PTP4A1: variants seen among roughly 807,000 people sequenced by gnomAD.
PTP4A1 encodes protein tyrosine phosphatase 4A1.
PTP4A1 carries 9 observed loss-of-function variants against 20.5 expected under a neutral mutation model. That is an observed-to-expected ratio of 0.44 (90% CI 0.26 to 0.77). The LOEUF (loss-of-function observed/expected upper bound fraction) is 0.77, where lower values mean the gene tolerates loss of function less well. Among genes scored for constraint, PTP4A1 ranks in the 30% least tolerant of loss-of-function variants. The pLI is 0.19. For missense variants in PTP4A1, 137 were observed against 218.8 expected (o/e 0.63, Z 2.36); for synonymous variants, 78 against 67.4 (o/e 1.16, Z -0.77).
At chr6:63,573,909 A>G (rs1216184810) in intron 1 of PTP4A1, among the ~76,000 whole-genome samples, 3 of 152,094 alleles carry the variant, frequency 2.0e-5, no homozygotes, top group African/African-American at 7.2e-5. Flanking sequence ...GTTTAGAACT[A>G]TCCCTGAGCT....
At position 63,578,509 on chromosome 6, in the gene PTP4A1, A is replaced by G; in HGVS notation, c.178A>G (p.Lys60Glu). 1 of 1,612,026 alleles carries G rather than the reference A, an allele frequency of 6.2e-7. No homozygotes were observed. Among genetic ancestry groups the G allele is most frequent in the Non-Finnish European group, 8.5e-7 (1 of 1,179,286 alleles). The change falls in exon 3 of 6, where the codon AAA becomes GAA. Residue 60 changes from lysine (K) to glutamate (E), a missense_variant. Transcript: ENST00000626021. ...AACTTATGACACTACTCTTGTGGAGAAAGAAGGTATCCATGTTCTTGTAAG... is the reference window on the plus strand; with the variant it reads ...AACTTATGACACTACTCTTGTGGAGGAAGAAGGTATCCATGTTCTTGTAAG... ...EATYDTTLVEKEGIHVLDWPF... is the reference protein window; with the variant it reads ...EATYDTTLVEEEGIHVLDWPF...
upstream of PTP4A1, among the ~76,000 whole-genome samples, chr6:63,518,258 T>G (rs532031441): frequency 6.6e-6 from 1 of 152,070 alleles, no homozygotes; most frequent in Non-Finnish European, 1.5e-5. Context: ...CCAGAGCACA[T>G]CTTAGATTGC....
At chr6:63,547,926 C>T (rs1292953731) in intron 2 of PTP4A1, among the ~76,000 whole-genome samples, 9 of 152,208 alleles carry the variant, frequency 5.9e-5, no homozygotes, top group Admixed American at 5.9e-4. Flanking sequence ...GGCTTTCTTG[C>T]TTAAAACCCT....
intron 3 of PTP4A1, among the ~76,000 whole-genome samples, chr6:63,556,592 T>C (rs984154327): frequency 2.3e-4 from 35 of 152,204 alleles, no homozygotes; most frequent in Admixed American, 2.2e-3. Context: ...GGGAGGATGA[T>C]ACCACAGGGG....
intron 3 of PTP4A1, among the ~76,000 whole-genome samples, chr6:63,551,946 T>C (rs1306899695): frequency 6.6e-6 from 1 of 152,240 alleles, no homozygotes; most frequent in Non-Finnish European, 1.5e-5. Flanking sequence ...CTATCACTGA[T>C]GGACATTTGG....
upstream of PTP4A1, among the ~76,000 whole-genome samples, chr6:63,568,658 TA>T (rs112045436): frequency 0.11 from 15,832 of 144,482 alleles, 886 homozygotes; most frequent in East Asian, 0.16. Flanking sequence ...ATCATTTTGT[TA>T]AAAAAAAAAA....
chr6:63,521,155 A>G (rs1377945303), upstream of PTP4A1, among the ~76,000 whole-genome samples: 1 of 152,120 alleles, frequency 6.6e-6, no homozygotes, highest in Non-Finnish European at 1.5e-5. Flanking sequence ...GGTGCAACAA[A>G]CCACCATGGT....
the PTP4A1 span, among the ~76,000 whole-genome samples, chr6:63,516,533 A>T: frequency 6.6e-6 from 1 of 152,316 alleles, no homozygotes; most frequent in African/African-American, 2.4e-5. Context: ...TAGTAAGTCC[A>T]TTTAACTTCT....
intron 3 of PTP4A1, among the ~76,000 whole-genome samples, chr6:63,560,571 T>C (rs1345874214): frequency 6.6e-6 from 1 of 151,702 alleles, no homozygotes; most frequent in African/African-American, 2.4e-5. Context: ...CACTAATCTG[T>C]GTATTTTTTT....
chr6:63,547,051 C>T (rs941833907), intron 2 of PTP4A1, among the ~76,000 whole-genome samples: 10 of 152,074 alleles, frequency 6.6e-5, no homozygotes, highest in South Asian at 4.1e-4. Context: ...TCACTTATTT[C>T]CCATCAAAAG....
intron 2 of PTP4A1, among the ~76,000 whole-genome samples, chr6:63,532,231 C>T (rs1279643281): frequency 6.6e-6 from 1 of 152,210 alleles, no homozygotes; most frequent in Non-Finnish European, 1.5e-5. Flanking sequence ...TGAAAACTTT[C>T]TTCTAGTGTC....
At chr6:63,533,553 T>C (rs1420650373) in intron 2 of PTP4A1, among the ~76,000 whole-genome samples, 1 of 152,214 alleles carries the variant, frequency 6.6e-6, no homozygotes, top group Non-Finnish European at 1.5e-5. Flanking sequence ...CAAACTATAG[T>C]ATGCGTTGTT....
At chr6:63,542,980 G>A (rs1749196605) in intron 2 of PTP4A1, among the ~76,000 whole-genome samples, 1 of 152,024 alleles carries the variant, frequency 6.6e-6, no homozygotes, top group South Asian at 2.1e-4. Context: ...TCTTGAACTT[G>A]CAAACTACAA....
rs1393658639 is a variant in PTP4A1 at position 63,581,430 on chromosome 6, A to G, written c.*1256A>G. ...TTAGTGCGAGAGCTGAAACATCTAA[A>G]TAAATAATGACATGCATTTATCATC... On this transcript the variant is annotated 3_prime_UTR_variant, in exon 6 of 6. Coordinates refer to ENST00000626021, the MANE Select transcript of PTP4A1 (RefSeq NM_003463.5). 1 of 152,622 alleles carries G rather than the reference A, an allele frequency of 6.6e-6. No individual in the cohort carries two copies. Among genetic ancestry groups the G allele is most frequent in the Non-Finnish European group, 1.5e-5 (1 of 68,018 alleles). 9.5% of individuals were successfully genotyped at this position (152,622 alleles called of 1,614,324 possible).
At position 63,583,476 on chromosome 6, in the gene PTP4A1, C is replaced by A. The variant is rs1778374905; in HGVS notation, c.*3302C>A. Reference sequence around the variant, plus strand: ...TAAGGGAAAAACTTGTATTTGCCTTCAATGAATTAAACCAGTGATATGTGT... The same window carrying A: ...TAAGGGAAAAACTTGTATTTGCCTTAAATGAATTAAACCAGTGATATGTGT... On this transcript the variant is annotated 3_prime_UTR_variant, in exon 6 of 6. Coordinates refer to ENST00000626021, the MANE Select transcript of PTP4A1 (RefSeq NM_003463.5). 6.6e-6 allele frequency: 1 copy of A among 152,068 alleles called. No individual in the cohort carries two copies. The highest frequency in any genetic ancestry group is 6.6e-5 in the Admixed American group (1 of 15,256). The allele number at this position is 152,068 out of a possible 1,614,324, so 9.4% of individuals were successfully genotyped here. A position where few individuals can be genotyped will look rare whatever the true frequency, so the allele number is the denominator to read the frequency against.
At chr6:63,544,577 C>G (rs1292186948) in intron 2 of PTP4A1, among the ~76,000 whole-genome samples, 3 of 152,116 alleles carry the variant, frequency 2.0e-5, no homozygotes, top group Admixed American at 6.6e-5. Context: ...GGGTCACAGA[C>G]TGGCTAGAGT....
upstream of PTP4A1, among the ~76,000 whole-genome samples, chr6:63,520,804 G>A (rs1275671987): frequency 6.6e-6 from 1 of 151,878 alleles, no homozygotes; most frequent in Non-Finnish European, 1.5e-5. Context: ...TTTTTGCCTT[G>A]TAAACAGGTG....
At chr6:63,545,805 A>G (rs1266839587) in intron 2 of PTP4A1, among the ~76,000 whole-genome samples, 6 of 152,110 alleles carry the variant, frequency 3.9e-5, no homozygotes, top group African/African-American at 1.2e-4. Context: ...TAGCTTTCCC[A>G]TGTTCCATAT....
chr6:63,536,911 A>G (rs1239873878), intron 2 of PTP4A1, among the ~76,000 whole-genome samples: 2 of 152,202 alleles, frequency 1.3e-5, no homozygotes, highest in Non-Finnish European at 2.9e-5. Flanking sequence ...CCTCAAAGCA[A>G]AAAGCTCTAT....
Sources: allele counts gnomAD v4.1 joint callset (sites outside exome capture counted in the v4.1 genomes callset), GRCh38; gene constraint gnomAD v4.1.1; transcripts MANE v1.5; gene names NCBI Gene and HGNC (gene_info 2026-07-23, HGNC 2026-07-21).